Variants in TECPR1 observed in about 807,000 individuals in gnomAD.
TECPR1 encodes tectonin beta-propeller repeat-containing protein 1.
A neutral mutation model predicts 162.4 loss-of-function variants in TECPR1; 122 were observed. The ratio of observed to expected loss-of-function variants is 0.75; its 90% CI spans 0.65 to 0.87. TECPR1 has a LOEUF of 0.87. TECPR1 is among the 40% of genes least tolerant of loss of function. The pLI, the probability that TECPR1 is intolerant of heterozygous loss-of-function variation, is 0.00. For synonymous variants in TECPR1, 642 were observed against 670.6 expected, an observed-to-expected ratio of 0.96 and a Z score of 0.66; for missense variants, 1,432 against 1,618.2, an observed-to-expected ratio of 0.88 and a Z score of 1.97.
intron 2 of TECPR1, among the ~76,000 whole-genome samples, chr7:98,246,995 A>G (rs1427833472): frequency 6.6e-6 from 1 of 151,646 alleles, no homozygotes; most frequent in Non-Finnish European, 1.5e-5. Context: ...AAAATTAGCC[A>G]GGCACAGTAG....
In TECPR1 at chr7:98,232,651, A is replaced by T. The variant is rs1798475074; in HGVS notation, c.1818+176T>A. On this transcript the variant is annotated intron_variant, in intron 12 of 25. Transcript: ENST00000447648. The surrounding 1 kb of genome is among the most constrained non-coding windows in gnomAD (Gnocchi z 4.6). Reference sequence around the variant, plus strand: ...TGGAACACAGTGAGGCCCAAACCAAAGTCTTCAGGATGGACGAAGAAACCC... The same window carrying T: ...TGGAACACAGTGAGGCCCAAACCAATGTCTTCAGGATGGACGAAGAAACCC... Among the ~76,000 whole-genome samples, 1 of 152,040 alleles carries T rather than the reference A, an allele frequency of 6.6e-6. No homozygotes were observed. The highest frequency in any genetic ancestry group is 1.5e-5 in the Non-Finnish European group (1 of 68,002).
intron 25 of TECPR1, 88 bp from the exon 26 acceptor site, chr7:98,217,591 C>T: frequency 1.3e-6 from 2 of 1,534,236 alleles, no homozygotes; most frequent in Admixed American, 2.0e-5. Flanking sequence ...GCAACCCAGA[C>T]ACCGGGTCCC....
intron 17 of TECPR1, among the ~76,000 whole-genome samples, chr7:98,227,640 G>A (rs1010794016): frequency 6.6e-6 from 1 of 151,726 alleles, no homozygotes; most frequent in Non-Finnish European, 1.5e-5. Context: ...GGCCAACATG[G>A]TAAAACCCTG....
intron 2 of TECPR1, among the ~76,000 whole-genome samples, chr7:98,249,970 C>T (rs1171505803): frequency 6.6e-6 from 1 of 151,988 alleles, no homozygotes; most frequent in Non-Finnish European, 1.5e-5. Flanking sequence ...TCTGAGTCTT[C>T]AGCCTCTTCA....
chr7:98,232,999 CGG>C lies in TECPR1; in HGVS notation c.1673-29_1673-28del, dbSNP rs779923749. 294 of 1,590,850 alleles carry C rather than the reference CGG, an allele frequency of 1.8e-4. No homozygotes were observed. Among genetic ancestry groups the C allele is most frequent in the Non-Finnish European group, 2.3e-4 (271 of 1,167,916 alleles). ...TGTGGGGCAGAGAGAGCCTCAGGGC[CGG>C]GGCACTGTCCTGCCCGCAGCTGGGC... On this transcript the variant is annotated intron_variant, in intron 11 of 25. Transcript: ENST00000447648. The surrounding 1 kb of genome is among the most constrained non-coding windows in gnomAD (Gnocchi z 4.6).
At chr7:98,217,596 G>A in intron 25 of TECPR1, 93 bp from the exon 26 acceptor site, 1 of 1,533,694 alleles carries the variant, frequency 6.5e-7, no homozygotes, top group Non-Finnish European at 8.8e-7. Context: ...CCAGACACCG[G>A]GTCCCAGGGG....
In TECPR1 at chr7:98,231,037, A is replaced by G; in HGVS notation, c.2206T>C (p.Cys736Arg). 6.2e-7 allele frequency: 1 copy of G among 1,612,584 alleles called. No individual in the cohort carries two copies. The highest frequency in any genetic ancestry group is 8.5e-7 in the Non-Finnish European group (1 of 1,179,572). Residue 736 changes from cysteine to arginine, a missense_variant, in exon 15 of 26, where the codon TGC (cysteine) becomes CGC (arginine). Transcript: ENST00000447648. ...PSPQAIWSIT[C>R]KGDIFVSEPS... is the part of the protein sequence containing the mutation. ...TCGCTCACGAAGATGTCCCCCTTGC[A>G]GGTGATGGACCAGATGGCCTGCGGG...
intron 2 of TECPR1, among the ~76,000 whole-genome samples, chr7:98,248,981 T>C (rs1262301950): frequency 1.3e-5 from 2 of 151,626 alleles, no homozygotes; most frequent in Non-Finnish European, 2.9e-5. Flanking sequence ...TTCCACCTTC[T>C]GGGTTCAAGT....
chr7:98,243,528 C>A lies in TECPR1; in HGVS notation c.596G>T (p.Trp199Leu). ...DPFNDLSVGG[W>L]EITEEPVGRL... Reference sequence around the variant, plus strand: ...GCCCACAGGCTCCTCCGTGATCTCCCAGCCCCCTACAGAGAGGTCGTTGAA... The same window carrying A: ...GCCCACAGGCTCCTCCGTGATCTCCAAGCCCCCTACAGAGAGGTCGTTGAA... Residue 199 changes from tryptophan to leucine, a missense_variant, in exon 6 of 26, where the codon TGG becomes TTG. Trp to Leu is a moderately conservative substitution (Grantham distance 61). Transcript: ENST00000447648. The A allele has an allele frequency of 6.2e-7, 1 of 1,612,662 alleles. No homozygotes were observed. Among genetic ancestry groups the A allele is most frequent in the Non-Finnish European group, 8.5e-7 (1 of 1,179,820 alleles).
chr7:98,231,788 T>G lies in TECPR1; in HGVS notation c.1974+16A>C. 1 of 1,607,708 alleles carries G rather than the reference T, an allele frequency of 6.2e-7. No homozygotes were observed. The highest frequency in any genetic ancestry group is 8.5e-7 in the Non-Finnish European group (1 of 1,176,354). ...GTCCCCTCCCTGGCCCCATCTCCTGTGGGACCCGTGGGCACCTTCTTCTCC... is the reference window on the plus strand; with the variant it reads ...GTCCCCTCCCTGGCCCCATCTCCTGGGGGACCCGTGGGCACCTTCTTCTCC... On this transcript the variant is annotated intron_variant, in intron 13 of 25. Coordinates refer to ENST00000447648, the MANE Select transcript of TECPR1 (RefSeq NM_015395.3).
rs201080633 is a variant in TECPR1, at chr7:98,232,871, G to A, written c.1774C>T (p.Arg592Trp). 8.1e-6 allele frequency: 13 copies of A among 1,612,368 alleles called. No homozygotes were observed. Among genetic ancestry groups the A allele is most frequent in the African/African-American group, 1.3e-5 (1 of 74,856 alleles). Residue 592 changes from arginine (R) to tryptophan (W), a missense_variant, in exon 12 of 26, where the codon CGG becomes TGG. Transcript: ENST00000447648. The surrounding 1 kb of genome is among the most constrained non-coding windows in gnomAD (Gnocchi z 4.6). ...TAGTGTCTGAAGTTCTCCAGCTCCC[G>A]CTTGGTCCTTTCCGTGAGCTGCTGG... ...IFQQLTERTK[R>W]ELENFRHYEQ...
chr7:98,226,081 C>T (rs1177628483), intron 17 of TECPR1, among the ~76,000 whole-genome samples: 1 of 152,212 alleles, frequency 6.6e-6, no homozygotes, highest in Non-Finnish European at 1.5e-5. Context: ...TGTTGACCAG[C>T]TGTGGCCCTT....
intron 17 of TECPR1, among the ~76,000 whole-genome samples, chr7:98,226,296 C>G (rs552538595): frequency 6.6e-6 from 1 of 152,266 alleles, no homozygotes; most frequent in Non-Finnish European, 1.5e-5. Flanking sequence ...ATCTCAAATC[C>G]CCTGATTTAC....
rs1798862458 is a variant in TECPR1 at position 98,244,891 on chromosome 7, C to T, written c.402G>A (p.Glu134=). The change falls in exon 4 of 26, where the codon GAG becomes GAA. Residue 134 remains glutamate (E), a synonymous_variant. Transcript: ENST00000447648. ...GGGTCCCAAGTTCACCTACCCCTTT[C>T]TCAGTGGGTTCACCTCCAAAATTCT... ...VDENFGGEPT[E]KGGWTYAIDF... is the part of the protein sequence containing the mutation. 6.2e-7 allele frequency: 1 copy of T among 1,612,928 alleles called. No homozygotes were observed. The highest frequency in any genetic ancestry group is 1.7e-5 in the Admixed American group (1 of 59,984).
Position 98,240,848 on chromosome 7 carries a change from T to C in TECPR1, c.933+3A>G. 6.3e-7 allele frequency: 1 copy of C among 1,597,084 alleles called. No individual in the cohort carries two copies. Among genetic ancestry groups the C allele is most frequent in the Admixed American group, 1.7e-5 (1 of 58,280 alleles). ...TGATCCCCCAGCCTCATCCCCATCT[T>C]ACCTTCCAGTCCTTGGTGACAGCCC... On this transcript the variant is annotated splice_donor_region_variant and intron_variant, in intron 8 of 25. Transcript: ENST00000447648.
chr7:98,251,846 C>G (rs1311476260), intron 1 of TECPR1: 1 of 152,308 alleles, frequency 6.6e-6, no homozygotes, highest in Non-Finnish European at 1.5e-5. Context: ...CAACCAGGAT[C>G]CCGCGATCCG....
chr7:98,233,306 G>A (rs998497821), intron 11 of TECPR1, 115 bp downstream of exon 11: 28 of 1,300,596 alleles, frequency 2.2e-5, no homozygotes, highest in Admixed American at 1.4e-4. Context: ...ACAGTGAGGC[G>A]TCCAGGGAGG....
intron 5 of TECPR1, among the ~76,000 whole-genome samples, 177 bp from the exon 6 acceptor site, chr7:98,243,769 T>C (rs184183284): frequency 5.4e-4 from 83 of 152,330 alleles, no homozygotes; most frequent in Admixed American, 5.3e-3. Context: ...CTAATTTTTG[T>C]ATTTTCAGTA....
chr7:98,217,248 T>G lies in TECPR1; in HGVS notation c.*142A>C, dbSNP rs1584316864. The stretch of plus-strand genomic sequence containing the variant: ...GCCGTCTCAGCCAGTGCCTCTGAAG[T>G]GGCCGCAGCCTTGGGGCCAGGTTCC... On this transcript the variant is annotated 3_prime_UTR_variant, in exon 26 of 26. Coordinates refer to ENST00000447648, the MANE Select transcript of TECPR1 (RefSeq NM_015395.3). The G allele has an allele frequency of 1.6e-6, 1 of 617,726 alleles. No individual in the cohort carries two copies. Among genetic ancestry groups the G allele is most frequent in the East Asian group, 2.8e-5 (1 of 35,858 alleles). 38.3% of individuals were successfully genotyped at this position (617,726 alleles called of 1,614,324 possible).
Sources: gnomAD v4.1 joint callset for allele counts (sites outside exome capture counted in the v4.1 genomes callset) on GRCh38, gnomAD v4.1.1 for gene constraint, Gnocchi (gnomAD v3.1) non-coding constraint, MANE v1.5 for transcripts, NCBI Gene and HGNC (gene_info 2026-07-23, HGNC 2026-07-21) for gene names.